The following PEX5L variants were observed in gnomAD, a reference collection of about 807,000 sequenced individuals.
PEX5L encodes peroxisomal biogenesis factor 5 like.
PEX5L carries 30 observed loss-of-function variants against 84.0 expected under a neutral mutation model. The ratio of observed to expected loss-of-function variants is 0.36; its 90% confidence interval spans 0.27 to 0.48. The LOEUF is 0.48. Among genes scored for constraint, PEX5L ranks in the 20% least tolerant of loss-of-function variants. PEX5L has a pLI of 0.99. For missense variants in PEX5L, 533 were observed against 754.6 expected (o/e 0.71, Z 3.44); for synonymous variants, 270 against 283.1 (o/e 0.95, Z 0.46).
chr3:179,963,254 G>A (rs1782512321), intron 2 of PEX5L, among the ~76,000 whole-genome samples: 1 of 152,104 alleles, frequency 6.6e-6, no homozygotes, highest in Admixed American at 6.6e-5. Context: ...AGATGGCTAG[G>A]CTGGCAAGAG....
intron 1 of PEX5L, among the ~76,000 whole-genome samples, chr3:180,034,912 A>G (rs943186745): frequency 6.6e-6 from 1 of 152,144 alleles, no homozygotes; most frequent in East Asian, 1.9e-4. Context: ...GTTCCAGGCA[A>G]CTCAAGTTTC....
intron 9 of PEX5L, among the ~76,000 whole-genome samples, chr3:179,816,971 T>G (rs1726363138): frequency 1.3e-5 from 2 of 152,158 alleles, no homozygotes; most frequent in Non-Finnish European, 2.9e-5. Context: ...TTTCAACAGT[T>G]TCCCCTCAAG....
intron 8 of PEX5L, among the ~76,000 whole-genome samples, chr3:179,852,013 G>A (rs1001700675): frequency 3.3e-5 from 5 of 152,194 alleles, no homozygotes; most frequent in South Asian, 2.1e-4. Flanking sequence ...GGAATGGGAC[G>A]AGGCTGGGGA....
intron 8 of PEX5L, among the ~76,000 whole-genome samples, chr3:179,827,329 C>T (rs1168427777): frequency 6.6e-6 from 1 of 152,156 alleles, no homozygotes; most frequent in Non-Finnish European, 1.5e-5. Context: ...TGCAAAGAAG[C>T]CCAAGCCTCA....
At chr3:179,852,541 C>T (rs747867319) in intron 8 of PEX5L, among the ~76,000 whole-genome samples, 17 of 152,092 alleles carry the variant, frequency 1.1e-4, no homozygotes, top group South Asian at 2.1e-4. Context: ...TAAGGTTTCA[C>T]GTAAAGCTAA....
intron 1 of PEX5L, among the ~76,000 whole-genome samples, chr3:179,988,553 T>C (rs1787089091): frequency 6.6e-6 from 1 of 152,162 alleles, no homozygotes; most frequent in Non-Finnish European, 1.5e-5. Flanking sequence ...TTCCCCCACA[T>C]CTGTTAAACT....
intron 8 of PEX5L, among the ~76,000 whole-genome samples, chr3:179,821,571 T>G (rs60064975): frequency 0.017 from 2,540 of 152,318 alleles, 88 homozygotes; most frequent in African/African-American, 0.058. Flanking sequence ...CTTGCTTTAT[T>G]ATGTCCAGAA....
rs767880441 is a variant in PEX5L at position 180,036,635 on chromosome 3, C to T, written c.-36G>A. The T allele has an allele frequency of 1.2e-6, 2 of 1,613,494 alleles. No homozygotes were observed. The highest frequency in any genetic ancestry group is 1.7e-6 in the Non-Finnish European group (2 of 1,179,386). ...TTTCTTCAGGGCTCCCTGAGGCCAC[C>T]GGATGCTTTTCCCCCGTGCTTACTT... On this transcript the variant is annotated 5_prime_UTR_variant, in exon 1 of 15. Transcript: ENST00000467460.
intron 8 of PEX5L, among the ~76,000 whole-genome samples, chr3:179,847,699 A>T (rs1310800124): frequency 6.6e-6 from 1 of 151,722 alleles, no homozygotes; most frequent in East Asian, 2.0e-4. Flanking sequence ...CTTTATAAAA[A>T]GTTTTTTTTT....
In PEX5L at chr3:179,822,873, T is replaced by C. The variant is rs143515408; in HGVS notation, c.823-2897A>G. On this transcript the variant is annotated intron_variant, in intron 8 of 14. Transcript: ENST00000467460. ...ACATTGGGATATGCAGCATGGTGGT[T>C]AAGAATAGCAGCTTTCCCCTTGGAT... Among the ~76,000 whole-genome samples the C allele has an allele frequency of 2.6e-3, 390 of 152,356 alleles. 2 individuals are homozygous for C. The highest frequency in any genetic ancestry group is 9.1e-3 in the African/African-American group (378 of 41,588).
chr3:179,975,780 T>C (rs1785709136), intron 1 of PEX5L, among the ~76,000 whole-genome samples: 1 of 152,182 alleles, frequency 6.6e-6, no homozygotes, highest in Admixed American at 6.5e-5. Flanking sequence ...ATTGCTCAGA[T>C]TTTCCCTGTC....
intron 10 of PEX5L, among the ~76,000 whole-genome samples, chr3:179,813,262 G>A (rs1724589426): frequency 6.6e-6 from 1 of 152,012 alleles, no homozygotes; most frequent in Admixed American, 6.5e-5. Flanking sequence ...GAAGCCCTGG[G>A]TCCTTGTCTG....
chr3:179,905,498 ATCCGC>A (rs1762874282), intron 2 of PEX5L, among the ~76,000 whole-genome samples: 1 of 151,746 alleles, frequency 6.6e-6, no homozygotes, highest in South Asian at 2.1e-4. Flanking sequence ...TGGTCTCGTG[ATCCGC>A]CCGCCTCGAC....
chr3:179,889,525 G>A (rs913474581), intron 3 of PEX5L, among the ~76,000 whole-genome samples: 12 of 152,058 alleles, frequency 7.9e-5, no homozygotes, highest in Non-Finnish European at 1.3e-4. Context: ...CTTTGAGAAC[G>A]CTTTTCTTCT....
At chr3:180,018,286 C>G (rs1278933474) in intron 1 of PEX5L, among the ~76,000 whole-genome samples, 1 of 152,064 alleles carries the variant, frequency 6.6e-6, no homozygotes, top group African/African-American at 2.4e-5. Flanking sequence ...ATTTTTCCAT[C>G]ATTTGGTAGG....
At chr3:179,930,698 G>C (rs965063758) in intron 2 of PEX5L, among the ~76,000 whole-genome samples, 2 of 152,176 alleles carry the variant, frequency 1.3e-5, no homozygotes, top group African/African-American at 2.4e-5. Context: ...GAAATGTTAG[G>C]ATCTGTCATT....
intron 2 of PEX5L, among the ~76,000 whole-genome samples, chr3:179,923,312 C>A (rs866945513): frequency 0.031 from 2,399 of 78,466 alleles, 80 homozygotes; most frequent in African/African-American, 0.1. Context: ...AAAAAAAAAA[C>A]ACCCTCAAGT....
At chr3:179,994,455 G>C (rs1787668979) in intron 1 of PEX5L, among the ~76,000 whole-genome samples, 1 of 151,934 alleles carries the variant, frequency 6.6e-6, no homozygotes, top group African/African-American at 2.4e-5. Flanking sequence ...TTTTTATCCA[G>C]CTCCTCCTCC....
chr3:179,862,507 A>G (rs1746580100), intron 7 of PEX5L, among the ~76,000 whole-genome samples: 1 of 152,226 alleles, frequency 6.6e-6, no homozygotes, highest in South Asian at 2.1e-4. Flanking sequence ...CTTGTATCTA[A>G]CTAGGGAAAC....
Sources: gnomAD v4.1 joint callset for allele counts (sites outside exome capture counted in the v4.1 genomes callset) on GRCh38, gnomAD v4.1.1 for gene constraint, MANE v1.5 for transcripts, NCBI Gene and HGNC (gene_info 2026-07-23, HGNC 2026-07-21) for gene names.